TMEM132C: variants seen among roughly 807,000 people sequenced by gnomAD.
TMEM132C encodes transmembrane protein 132C.
A neutral mutation model predicts 61.4 loss-of-function variants in TMEM132C; 29 were observed. The ratio of observed to expected loss-of-function variants is 0.47; its 90% CI spans 0.35 to 0.64. The LOEUF is 0.64. TMEM132C is among the 30% of genes least tolerant of loss of function. TMEM132C has a pLI of 0.00. For missense variants in TMEM132C, 1,408 were observed against 1,476.9 expected (o/e 0.95, Z 0.76); for synonymous variants, 656 against 633.1 (o/e 1.04, Z -0.54).
intron 2 of TMEM132C, among the ~76,000 whole-genome samples, chr12:128,471,305 C>A (rs1230660098): frequency 6.6e-6 from 1 of 152,124 alleles, no homozygotes; most frequent in African/African-American, 2.4e-5. Context: ...TGTTTTCCTT[C>A]CTGATGTATT....
At chr12:128,514,343 T>C (rs1037545328) in intron 2 of TMEM132C, among the ~76,000 whole-genome samples, 4 of 152,240 alleles carry the variant, frequency 2.6e-5, no homozygotes, top group Admixed American at 2.6e-4. Context: ...TCTCCTTCAG[T>C]CTTCCTAACA....
chr12:128,470,636 C>T (rs1025396029), intron 2 of TMEM132C, among the ~76,000 whole-genome samples: 3 of 152,154 alleles, frequency 2.0e-5, no homozygotes, highest in Admixed American at 1.3e-4. Flanking sequence ...ATGAACTACA[C>T]GCAGCTGCAT....
chr12:128,325,887 C>T (rs143301291), intron 1 of TMEM132C, among the ~76,000 whole-genome samples: 1,551 of 152,132 alleles, frequency 0.01, 22 homozygotes, highest in African/African-American at 0.035. Flanking sequence ...GGACAGCTAG[C>T]AGTTTCCTTG....
chr12:128,512,906 C>T (rs1295812211), intron 2 of TMEM132C, among the ~76,000 whole-genome samples: 1 of 152,208 alleles, frequency 6.6e-6, no homozygotes, highest in East Asian at 1.9e-4. Flanking sequence ...ACTTTCCACG[C>T]TCTCAATCTG....
intron 8 of TMEM132C, among the ~76,000 whole-genome samples, chr12:128,702,589 T>G (rs992531825): frequency 6.6e-6 from 1 of 152,190 alleles, no homozygotes; most frequent in African/African-American, 2.4e-5. Context: ...CATGAGCACC[T>G]CTTGAGCCCT....
chr12:128,402,967 AG>A (rs1288876769), intron 1 of TMEM132C, among the ~76,000 whole-genome samples: 6 of 152,168 alleles, frequency 3.9e-5, no homozygotes, highest in African/African-American at 7.2e-5. Flanking sequence ...CCCAGAGAAA[AG>A]GGGGGAACTA....
intron 2 of TMEM132C, among the ~76,000 whole-genome samples, chr12:128,522,183 C>T (rs1228748991): frequency 1.3e-5 from 2 of 152,200 alleles, no homozygotes; most frequent in Admixed American, 6.5e-5. Context: ...CTATTTTGGA[C>T]GTACCCTTGT....
At chr12:128,687,063 A>G (rs893202720) in intron 5 of TMEM132C, among the ~76,000 whole-genome samples, 1 of 152,008 alleles carries the variant, frequency 6.6e-6, no homozygotes, top group Non-Finnish European at 1.5e-5. Flanking sequence ...TTAGGCGGGC[A>G]TGGTAGTGCA....
At chr12:128,401,802 G>T (rs1325052944) in intron 1 of TMEM132C, among the ~76,000 whole-genome samples, 1 of 152,218 alleles carries the variant, frequency 6.6e-6, no homozygotes, top group African/African-American at 2.4e-5. Flanking sequence ...TTGTAGAACA[G>T]TCTCGTGCTG....
intron 5 of TMEM132C, among the ~76,000 whole-genome samples, chr12:128,681,929 CA>C (rs1426588715): frequency 3.3e-5 from 5 of 151,454 alleles, no homozygotes; most frequent in Non-Finnish European, 4.4e-5. Flanking sequence ...CTTGGCCTCC[CA>C]AAGTGCTGGG....
At chr12:128,427,098 C>T (rs1354547452) in intron 2 of TMEM132C, among the ~76,000 whole-genome samples, 3 of 152,158 alleles carry the variant, frequency 2.0e-5, no homozygotes, top group South Asian at 4.2e-4. Flanking sequence ...TTTAGAGTCC[C>T]GTCTGCTGGC....
intron 2 of TMEM132C, among the ~76,000 whole-genome samples, chr12:128,484,020 CA>C (rs11308604): frequency 0.13 from 19,828 of 152,136 alleles, 1,672 homozygotes; most frequent in Non-Finnish European, 0.19. Flanking sequence ...CAGTCTCTTC[CA>C]ACTGCAGTTC....
intron 2 of TMEM132C, among the ~76,000 whole-genome samples, chr12:128,502,122 C>T (rs1315572324): frequency 6.6e-6 from 1 of 152,196 alleles, no homozygotes; most frequent in African/African-American, 2.4e-5. Context: ...AATGTGCAGC[C>T]AGGGTTGGCA....
At position 128,693,833 on chromosome 12, in the gene TMEM132C, C is replaced by T; in HGVS notation, c.1454C>T (p.Ser485Phe). 1.2e-5 allele frequency: 19 copies of T among 1,551,744 alleles called. No homozygotes were observed. The highest frequency in any genetic ancestry group is 1.7e-5 in the Non-Finnish European group (19 of 1,146,994). Residue 485 changes from serine to phenylalanine, a missense_variant, in exon 6 of 9, where the codon TCT (serine) becomes TTT (phenylalanine). By Grantham distance (155) the Ser-to-Phe change is radical. Transcript: ENST00000435159. ...KSTDEDVIKV[S>F]ERCDYIFVNG... The stretch of plus-strand genomic sequence containing the variant: ...TTTCTCCCTCTGTCTTTGCAGGTGT[C>T]TGAGCGCTGTGACTACATCTTTGTC...
intron 2 of TMEM132C, among the ~76,000 whole-genome samples, chr12:128,506,385 T>A (rs1200279652): frequency 1.3e-5 from 2 of 152,130 alleles, no homozygotes; most frequent in Non-Finnish European, 2.9e-5. Flanking sequence ...GTGGGAGATG[T>A]TTGGGTTTTC....
chr12:128,608,482 C>A (rs1329561145), intron 3 of TMEM132C, among the ~76,000 whole-genome samples: 5 of 152,142 alleles, frequency 3.3e-5, no homozygotes, highest in African/African-American at 1.2e-4. Context: ...CCAAGTTACC[C>A]CTCTGCTAAA....
At chr12:128,603,773 C>T (rs933014027) in intron 3 of TMEM132C, among the ~76,000 whole-genome samples, 16 of 152,074 alleles carry the variant, frequency 1.1e-4, no homozygotes, top group African/African-American at 3.9e-4. Flanking sequence ...GGAAAACTGC[C>T]TGGTTAATAT....
At chr12:128,639,939 T>C (rs969705773) in intron 4 of TMEM132C, among the ~76,000 whole-genome samples, 5 of 152,240 alleles carry the variant, frequency 3.3e-5, no homozygotes, top group Admixed American at 6.5e-5. Context: ...TTAAGATGAA[T>C]TTTGTTGTTG....
chr12:128,566,778 A>G (rs973296274), intron 3 of TMEM132C, among the ~76,000 whole-genome samples: 1 of 152,210 alleles, frequency 6.6e-6, no homozygotes, highest in African/African-American at 2.4e-5. Context: ...AAAGACTGCC[A>G]GGGTTCGGGT....
Sources: gnomAD v4.1 joint callset for allele counts (sites outside exome capture counted in the v4.1 genomes callset) on GRCh38, gnomAD v4.1.1 for gene constraint, MANE v1.5 for transcripts, NCBI Gene and HGNC (gene_info 2026-07-23, HGNC 2026-07-21) for gene names.